ADCK1: variants seen among roughly 807,000 people sequenced by gnomAD.
ADCK1 encodes aarF domain-containing protein kinase 1.
Under a neutral mutation model 52.3 loss-of-function variants are expected in ADCK1, and 41 were observed. That is an observed-to-expected ratio of 0.78 (90% CI 0.61 to 1.02). ADCK1 has a LOEUF of 1.02. ADCK1 is among the 50% of genes least tolerant of loss of function. ADCK1 has a pLI of 0.00. For missense variants in ADCK1, 658 were observed against 679.5 expected (o/e 0.97, Z 0.35); for synonymous variants, 250 against 274.6 (o/e 0.91, Z 0.89).
intron 5 of ADCK1, among the ~76,000 whole-genome samples, chr14:77,890,706 G>A (rs2083265494): frequency 6.6e-6 from 1 of 152,194 alleles, no homozygotes; most frequent in Admixed American, 6.5e-5. Context: ...ATTTAGGGTG[G>A]TTAGAAAGAG....
In ADCK1 at chr14:77,923,434, G is replaced by C. The variant is rs555072008; in HGVS notation, c.859-1023G>C. The C allele has an allele frequency of 6.6e-6, 1 of 152,322 alleles. No homozygotes were observed. The highest frequency in any genetic ancestry group is 6.5e-5 in the Admixed American group (1 of 15,290). 9.4% of individuals were successfully genotyped at this position (152,322 alleles called of 1,614,324 possible). ...GGTGTGAGATGAGACCAGGCAGGAG[G>C]CAGGGCCTGGTCAGGTAGGACTTTG... On this transcript the variant is annotated intron_variant, in intron 7 of 10. Transcript: ENST00000238561. This position sits in a 1 kb window ranked among gnomAD's most constrained non-coding sequence, Gnocchi z 4.3.
intron 4 of ADCK1, 80 bp from the exon 5 acceptor site, chr14:77,887,011 G>T: frequency 6.9e-7 from 1 of 1,455,906 alleles, no homozygotes; most frequent in Non-Finnish European, 9.1e-7. Flanking sequence ...AGGCAGCCCT[G>T]ACTCTGGCCC....
At chr14:77,922,987 G>A (rs147474543) in intron 7 of ADCK1, among the ~76,000 whole-genome samples, 152 of 152,344 alleles carry the variant, frequency 1.0e-3, no homozygotes, top group Non-Finnish European at 1.8e-3. Flanking sequence ...TCGTAGTCAC[G>A]TGTTTGCCAC....
At chr14:77,880,878 C>T (rs1326698610) in intron 4 of ADCK1, among the ~76,000 whole-genome samples, 1 of 152,172 alleles carries the variant, frequency 6.6e-6, no homozygotes, top group African/African-American at 2.4e-5. Flanking sequence ...TATGATGGTC[C>T]TGCAGTAAAT....
At chr14:77,900,515 A>G (rs1346560361) in intron 6 of ADCK1, 1 of 440,660 alleles carries the variant, frequency 2.3e-6, no homozygotes, top group Non-Finnish European at 4.5e-6. Context: ...TGGACCCAGG[A>G]GGCAGACGTT....
chr14:77,906,316 C>G (rs1034664616), intron 6 of ADCK1, among the ~76,000 whole-genome samples: 3 of 152,152 alleles, frequency 2.0e-5, no homozygotes, highest in African/African-American at 7.2e-5. Flanking sequence ...GAAATAAACT[C>G]CTCACAATTT....
intron 4 of ADCK1, among the ~76,000 whole-genome samples, chr14:77,861,063 C>T (rs896717159): frequency 2.6e-5 from 4 of 152,136 alleles, no homozygotes; most frequent in African/African-American, 4.8e-5. Flanking sequence ...GGTTGGAAGA[C>T]GTCGCCTGAT....
At chr14:77,843,816 T>C (rs1446607728) in intron 3 of ADCK1, among the ~76,000 whole-genome samples, 3 of 152,236 alleles carry the variant, frequency 2.0e-5, no homozygotes, top group African/African-American at 7.2e-5. Flanking sequence ...CTCTGTTCTC[T>C]ATTAAAATGC....
At chr14:77,917,152 G>A (rs1330211654) in intron 7 of ADCK1, among the ~76,000 whole-genome samples, 2 of 152,192 alleles carry the variant, frequency 1.3e-5, no homozygotes, top group Non-Finnish European at 2.9e-5. Flanking sequence ...TTGAACCCAG[G>A]TGTTCGAGGC....
At chr14:77,837,882 C>T (rs2081993207) in intron 3 of ADCK1, among the ~76,000 whole-genome samples, 1 of 152,218 alleles carries the variant, frequency 6.6e-6, no homozygotes, top group Admixed American at 6.5e-5. Context: ...GCTGTGAGGA[C>T]AGACTCATAC....
intron 7 of ADCK1, among the ~76,000 whole-genome samples, chr14:77,909,567 G>T (rs1436827585): frequency 2.6e-5 from 4 of 152,166 alleles, no homozygotes; most frequent in Admixed American, 2.6e-4. Context: ...AGCCCAGGGG[G>T]GTGGCAGGGG....
intron 4 of ADCK1, among the ~76,000 whole-genome samples, chr14:77,865,068 G>A (rs932382520): frequency 6.6e-6 from 1 of 152,154 alleles, no homozygotes; most frequent in African/African-American, 2.4e-5. Flanking sequence ...GATTGCTTGT[G>A]CACAGGAGTT....
intron 3 of ADCK1, among the ~76,000 whole-genome samples, chr14:77,855,601 T>A (rs1406075029): frequency 6.6e-6 from 1 of 152,208 alleles, no homozygotes; most frequent in Non-Finnish European, 1.5e-5. Flanking sequence ...GCTGTCTAAA[T>A]GACAACGTAA....
At chr14:77,846,841 C>T (rs989089078) in intron 3 of ADCK1, among the ~76,000 whole-genome samples, 1 of 152,210 alleles carries the variant, frequency 6.6e-6, no homozygotes, top group African/African-American at 2.4e-5. Flanking sequence ...GGACCCGAAG[C>T]GGAGAAGCTG....
At position 77,924,566 on chromosome 14, in the gene ADCK1, G is replaced by A. The variant is rs1471674225; in HGVS notation, c.968G>A (p.Gly323Glu). 6.2e-7 allele frequency: 1 copy of A among 1,613,732 alleles called. No individual in the cohort carries two copies. The highest frequency in any genetic ancestry group is 8.5e-7 in the Non-Finnish European group (1 of 1,180,044). ...CTGGTGCGGAAGCACCCCGGCACGG[G>A]AAAGGCGGAGATTGTCCTGTTGGAC... is the stretch of plus-strand genomic sequence containing the variant. ...NVLVRKHPGT[G>E]KAEIVLLDHG... Residue 323 changes from glycine (G) to glutamate (E), a missense_variant, in exon 8 of 11, where the codon GGA (glycine) becomes GAA (glutamate). Transcript: ENST00000238561.
Position 77,899,121 on chromosome 14 carries a change from C to A in ADCK1, c.604C>A (p.Gln202Lys). ...LMEVLVLAVK[Q>K]LFPEFEFMWL... ...TCAGGTGCTCGTTCTGGCTGTGAAG[C>A]AGCTGTTCCCAGAGTTTGAGTTTAT... Residue 202 changes from glutamine to lysine, a missense_variant, in exon 6 of 11, where the codon CAG (glutamine) becomes AAG (lysine). Physicochemically the swap from Gln to Lys is moderately conservative, Grantham distance 53. Transcript: ENST00000238561. 1 of 1,613,994 alleles carries A rather than the reference C, an allele frequency of 6.2e-7. No individual in the cohort carries two copies. The highest frequency in any genetic ancestry group is 1.1e-5 in the South Asian group (1 of 91,062).
intron 4 of ADCK1, among the ~76,000 whole-genome samples, chr14:77,886,384 A>C (rs975545117): frequency 4.6e-5 from 7 of 152,168 alleles, no homozygotes; most frequent in Admixed American, 1.3e-4. Context: ...ACATTCTGTT[A>C]ATGCTGGATT....
At chr14:77,848,162 C>T (rs2082209945) in intron 3 of ADCK1, among the ~76,000 whole-genome samples, 1 of 152,184 alleles carries the variant, frequency 6.6e-6, no homozygotes, top group Non-Finnish European at 1.5e-5. Flanking sequence ...ATCTTGGCTT[C>T]CCAAAGTGCT....
intron 4 of ADCK1, among the ~76,000 whole-genome samples, chr14:77,872,300 C>G (rs1031998599): frequency 9.9e-5 from 15 of 152,280 alleles, no homozygotes; most frequent in Admixed American, 7.8e-4. Flanking sequence ...GCTTGAGTGT[C>G]ACCGGACTCC....
Sources: gnomAD v4.1 joint callset for allele counts (sites outside exome capture counted in the v4.1 genomes callset) on GRCh38, gnomAD v4.1.1 for gene constraint, Gnocchi (gnomAD v3.1) non-coding constraint, MANE v1.5 for transcripts, NCBI Gene and HGNC (gene_info 2026-07-23, HGNC 2026-07-21) for gene names.